FANCA: variants seen among roughly 807,000 people sequenced by gnomAD.
FANCA encodes the protein FA complementation group A.
In FANCA, 236 loss-of-function variants were observed where a neutral mutation model predicts 194.3. The observed-to-expected ratio is 1.21, with a 90% CI of 1.09 to 1.35. The LOEUF is 1.35. Ranked by LOEUF, FANCA falls within the 40% of genes most tolerant of loss-of-function variation. FANCA has a pLI of 0.00. For synonymous variants in FANCA, 1,014 were observed against 715.8 expected, an observed-to-expected ratio of 1.42 and a Z score of -6.65; for missense variants, 2,628 against 1,813.9, an observed-to-expected ratio of 1.45 and a Z score of -8.15.
intron 37 of FANCA, among the ~76,000 whole-genome samples, chr16:89,741,439 A>C (rs905417399): frequency 1.5e-4 from 23 of 152,174 alleles, no homozygotes; most frequent in African/African-American, 5.6e-4. Context: ...AGCTGGTGTA[A>C]GTTGTGTGCT....
At position 89,738,169 on chromosome 16, in the gene FANCA, G is replaced by T. The variant is rs776839137; in HGVS notation, c.*432C>A. 1 of 1,613,094 alleles carries T rather than the reference G, an allele frequency of 6.2e-7. No individual in the cohort carries two copies. On this transcript the variant is annotated 3_prime_UTR_variant, in exon 43 of 43. Transcript: ENST00000389301. ...GACCCAGGACAAGGCCCTGCCCCTG[G>T]AGGCGGAACCACCACCTGGGCCACC...
At chr16:89,769,383 A>G (rs1022638918) in intron 26 of FANCA, among the ~76,000 whole-genome samples, 9 of 152,260 alleles carry the variant, frequency 5.9e-5, no homozygotes, top group African/African-American at 1.7e-4. Flanking sequence ...TCTTAACCAC[A>G]GGGTCCTTCC....
chr16:89,809,051 G>A (rs577846238), intron 5 of FANCA, among the ~76,000 whole-genome samples: 1 of 151,964 alleles, frequency 6.6e-6, no homozygotes, highest in Non-Finnish European at 1.5e-5. Flanking sequence ...GACTACAGGT[G>A]CCTGCCACCA....
intron 30 of FANCA, among the ~76,000 whole-genome samples, chr16:89,756,180 C>A (rs1402344714): frequency 6.6e-6 from 1 of 152,086 alleles, no homozygotes; most frequent in East Asian, 1.9e-4. Context: ...ATGAATGTGA[C>A]CCAGTTTTCA....
At position 89,746,658 on chromosome 16, in the gene FANCA, C is replaced by G. The variant is rs2038400529; in HGVS notation, c.3439G>C (p.Asp1147His). 2.5e-6 allele frequency: 4 copies of G among 1,614,050 alleles called. No homozygotes were observed. The South Asian group carries it at 4.4e-5, about 18-fold the overall frequency. Residue 1147 changes from aspartate (D) to histidine (H), a missense_variant, in exon 35 of 43, where the codon GAC (aspartate) becomes CAC (histidine). Asp to His is a moderately conservative substitution (Grantham distance 81, BLOSUM62 -1). Coordinates refer to ENST00000389301, the MANE Select transcript of FANCA (RefSeq NM_000135.4). ...ATGAAGTCGACCATCAGGGAGGGGT[C>G]TCTGCTCCGCAGACAGGCGTTCAGG... ...GLLNACLRSR[D>H]PSLMVDFILA...
chr16:89,782,388 G>C (rs1345191028), intron 17 of FANCA, among the ~76,000 whole-genome samples: 1 of 151,224 alleles, frequency 6.6e-6, no homozygotes, highest in African/African-American at 2.4e-5. Context: ...GGCGGCTCCT[G>C]TAGTCCCAGC....
intron 26 of FANCA, among the ~76,000 whole-genome samples, chr16:89,769,392 C>A (rs1257541248): frequency 4.6e-5 from 7 of 152,168 alleles, no homozygotes; most frequent in African/African-American, 1.7e-4. Flanking sequence ...CAGGGTCCTT[C>A]CTCACCTCAG....
chr16:89,807,269 C>A (rs1287042048), intron 6 of FANCA, among the ~76,000 whole-genome samples: 1 of 150,792 alleles, frequency 6.6e-6, no homozygotes, highest in Non-Finnish European at 1.5e-5. Flanking sequence ...CCAGCCTAGC[C>A]AACATGGTGA....
At chr16:89,769,032 G>A (rs1403034006) in intron 26 of FANCA, among the ~76,000 whole-genome samples, 1 of 152,204 alleles carries the variant, frequency 6.6e-6, no homozygotes, top group Admixed American at 6.5e-5. Flanking sequence ...CATGTCTGAG[G>A]TGTGGGATCC....
chr16:89,801,931 G>A (rs969317503), intron 8 of FANCA, among the ~76,000 whole-genome samples: 1 of 151,974 alleles, frequency 6.6e-6, no homozygotes, highest in African/African-American at 2.4e-5. Flanking sequence ...ACTGCCATAT[G>A]ATCCAGCAAT....
chr16:89,799,601 T>C lies in FANCA; in HGVS notation c.826+4A>G, dbSNP rs768013610. 2 of 1,613,290 alleles carry C rather than the reference T, an allele frequency of 1.2e-6. No homozygotes were observed. Among genetic ancestry groups the C allele is most frequent in the Admixed American group, 1.7e-5 (1 of 60,016 alleles). ...CAGTCTGGGCTGCAGTGCAATTAAC[T>C]TACAAATCAGCATTCTCTGCAGTAC... On this transcript the variant is annotated splice_donor_region_variant and intron_variant, in intron 9 of 42. Transcript: ENST00000389301.
At chr16:89,802,607 G>A (rs2040494902) in intron 8 of FANCA, among the ~76,000 whole-genome samples, 1 of 151,870 alleles carries the variant, frequency 6.6e-6, no homozygotes, top group East Asian at 2.0e-4. Flanking sequence ...ATTTTACCAT[G>A]TTAGCCAGGA....
At chr16:89,767,061 G>T in intron 27 of FANCA, 80 bp downstream of exon 27, 1 of 1,149,126 alleles carries the variant, frequency 8.7e-7, no homozygotes, top group East Asian at 2.4e-5. Context: ...AGCGGCAGCA[G>T]ACCTCGGCCT....
intron 30 of FANCA, among the ~76,000 whole-genome samples, chr16:89,752,686 G>A (rs1248015858): frequency 6.6e-6 from 1 of 152,224 alleles, no homozygotes; most frequent in Admixed American, 6.5e-5. Flanking sequence ...GATAGGAGCT[G>A]AGGGGATATA....
At chr16:89,805,416 C>T (rs565363009) in intron 6 of FANCA, 24 bp from the exon 7 acceptor site, 13 of 1,573,298 alleles carry the variant, frequency 8.3e-6, no homozygotes, top group East Asian at 2.2e-5. Flanking sequence ...CAGAGGCAGA[C>T]GTAAGGCTCA....
At chr16:89,812,926 G>A (rs1232596687) in intron 3 of FANCA, among the ~76,000 whole-genome samples, 5 of 150,474 alleles carry the variant, frequency 3.3e-5, no homozygotes, top group South Asian at 2.1e-4. Flanking sequence ...CCAGCTATTC[G>A]GGAGGCTGAG....
intron 31 of FANCA, among the ~76,000 whole-genome samples, chr16:89,751,049 G>A (rs937281919): frequency 6.6e-6 from 1 of 152,092 alleles, no homozygotes; most frequent in African/African-American, 2.4e-5. Flanking sequence ...ACACCACCAT[G>A]CTTGACTAGT....
intron 30 of FANCA, among the ~76,000 whole-genome samples, chr16:89,753,168 T>C (rs892286006): frequency 6.6e-6 from 1 of 152,220 alleles, no homozygotes; most frequent in African/African-American, 2.4e-5. Flanking sequence ...CCTCTCTGCC[T>C]CAGCTGCCAG....
Position 89,765,040 on chromosome 16 carries a change from G to A in FANCA, c.2628C>T (p.Phe876=), listed in dbSNP as rs368987148. 7.1e-5 allele frequency: 114 copies of A among 1,614,082 alleles called. No individual in the cohort carries two copies. The highest frequency in any genetic ancestry group is 8.6e-5 in the Non-Finnish European group (101 of 1,180,040). Reference sequence around the variant, plus strand: ...CAGAAAGAGGCTGTCGGGCCTCTGAGAACAATCTGAACATGAGGAACTGAA... The same window carrying A: ...CAGAAAGAGGCTGTCGGGCCTCTGAAAACAATCTGAACATGAGGAACTGAA... The part of the protein sequence containing the change: ...KKFQFLMFRL[F]SEARQPLSEE... The change falls in exon 28 of 43, where the codon TTC becomes TTT. Residue 876 remains phenylalanine (F), a synonymous_variant. Transcript: ENST00000389301.
Sources: allele counts gnomAD v4.1 joint callset (sites outside exome capture counted in the v4.1 genomes callset), GRCh38; gene constraint gnomAD v4.1.1; transcripts MANE v1.5; gene names NCBI Gene and HGNC (gene_info 2026-07-23, HGNC 2026-07-21).